Variants in TSPAN5 observed in about 807,000 individuals in gnomAD.
TSPAN5 encodes tetraspanin 5.
A neutral mutation model predicts 37.1 loss-of-function variants in TSPAN5; 10 were observed. The observed-to-expected ratio is 0.27, with a 90% CI of 0.17 to 0.46. The LOEUF (loss-of-function observed/expected upper bound fraction) is 0.46, where lower values mean the gene tolerates loss of function less well. Ranked by LOEUF, TSPAN5 falls within the 20% of genes least tolerant of loss-of-function variation. The pLI is 1.00. For missense variants in TSPAN5, 195 were observed against 326.6 expected, an observed-to-expected ratio of 0.60 and a Z score of 3.11; for synonymous variants, 110 against 118.9, an observed-to-expected ratio of 0.93 and a Z score of 0.48.
chr4:98,653,836 G>A (rs949927443), intron 1 of TSPAN5, among the ~76,000 whole-genome samples: 1 of 152,226 alleles, frequency 6.6e-6, no homozygotes, highest in Admixed American at 6.5e-5. Context: ...ATTTTTCAAA[G>A]ATGGCCACAA....
intron 2 of TSPAN5, among the ~76,000 whole-genome samples, chr4:98,505,322 G>A (rs1165138366): frequency 6.6e-6 from 1 of 152,156 alleles, no homozygotes; most frequent in East Asian, 1.9e-4. Flanking sequence ...ACTCTGCCCA[G>A]TCTGGCCTCT....
intron 1 of TSPAN5, among the ~76,000 whole-genome samples, chr4:98,604,624 T>G (rs1292309003): frequency 2.6e-5 from 4 of 152,256 alleles, no homozygotes; most frequent in African/African-American, 7.2e-5. Flanking sequence ...GTTTCCATTT[T>G]TAAGATGTAC....
intron 1 of TSPAN5, among the ~76,000 whole-genome samples, chr4:98,631,593 C>T (rs1231896704): frequency 1.3e-5 from 2 of 152,142 alleles, no homozygotes; most frequent in African/African-American, 2.4e-5. Context: ...ACTTCAAGGT[C>T]CCATCCAACT....
At chr4:98,490,459 C>T (rs79585509) in intron 2 of TSPAN5, among the ~76,000 whole-genome samples, 1,766 of 152,254 alleles carry the variant, frequency 0.012, 13 homozygotes, top group South Asian at 0.022. Flanking sequence ...TGAGAGCCTT[C>T]AACTGTTTCC....
intron 1 of TSPAN5, among the ~76,000 whole-genome samples, chr4:98,535,619 G>A (rs919828478): frequency 5.3e-5 from 8 of 152,118 alleles, no homozygotes; most frequent in African/African-American, 1.9e-4. Context: ...TAATATCCTG[G>A]AGAGTGTTTT....
At chr4:98,573,110 T>A (rs1755163461) in intron 1 of TSPAN5, among the ~76,000 whole-genome samples, 1 of 152,234 alleles carries the variant, frequency 6.6e-6, no homozygotes, top group Admixed American at 6.5e-5. Flanking sequence ...TATTAATGCT[T>A]GGCTTCTCAG....
At chr4:98,547,982 AGCCTGGGC>A (rs922986503) in intron 1 of TSPAN5, among the ~76,000 whole-genome samples, 1 of 145,496 alleles carries the variant, frequency 6.9e-6, no homozygotes, top group Non-Finnish European at 1.5e-5. Flanking sequence ...ACTACACTCC[AGCCTGGGC>A]GACAGAGCGA....
chr4:98,520,971 G>A (rs565795839), intron 1 of TSPAN5, among the ~76,000 whole-genome samples: 11 of 152,066 alleles, frequency 7.2e-5, no homozygotes, highest in South Asian at 2.1e-4. Flanking sequence ...TCGCTCTGTC[G>A]CCCAGGCTGG....
intron 4 of TSPAN5, among the ~76,000 whole-genome samples, chr4:98,479,173 C>CG (rs1420041242): frequency 2.0e-5 from 3 of 152,152 alleles, no homozygotes; most frequent in Non-Finnish European, 4.4e-5. Flanking sequence ...AAGACACTAA[C>CG]GACAGTGGTA....
chr4:98,555,971 G>A (rs971916189), intron 1 of TSPAN5, among the ~76,000 whole-genome samples: 9 of 122,050 alleles, frequency 7.4e-5, no homozygotes, highest in Admixed American at 3.8e-4. Context: ...CTCCACACAC[G>A]CGCGCGCACA....
chr4:98,652,592 A>G (rs1269527740), intron 1 of TSPAN5, among the ~76,000 whole-genome samples: 1 of 152,222 alleles, frequency 6.6e-6, no homozygotes, highest in Non-Finnish European at 1.5e-5. Context: ...TCATTACGGA[A>G]GAGACTTAAC....
At chr4:98,499,513 C>G (rs549601295) in intron 2 of TSPAN5, among the ~76,000 whole-genome samples, 1 of 152,216 alleles carries the variant, frequency 6.6e-6, no homozygotes, top group Non-Finnish European at 1.5e-5. Flanking sequence ...AGAAACCCCA[C>G]TGAATACAGT....
chr4:98,656,609 C>G (rs183951783), intron 1 of TSPAN5, among the ~76,000 whole-genome samples: 1 of 152,156 alleles, frequency 6.6e-6, no homozygotes, highest in East Asian at 1.9e-4. Flanking sequence ...AGGTGGGTGA[C>G]TGCTCCCGGG....
chr4:98,494,830 C>G (rs777835156), intron 2 of TSPAN5, among the ~76,000 whole-genome samples: 2 of 152,046 alleles, frequency 1.3e-5, no homozygotes, highest in African/African-American at 4.8e-5. Flanking sequence ...TCATGCCTAA[C>G]AGAGGTGACA....
At chr4:98,610,903 C>T (rs1756172800) in intron 1 of TSPAN5, among the ~76,000 whole-genome samples, 2 of 152,130 alleles carry the variant, frequency 1.3e-5, no homozygotes, top group Admixed American at 6.5e-5. Flanking sequence ...CCCCTGACCC[C>T]GCTCCCCAGG....
intron 1 of TSPAN5, 89 bp downstream of exon 1, chr4:98,658,057 C>A (rs1338821070): frequency 6.5e-6 from 8 of 1,222,988 alleles, no homozygotes; most frequent in African/African-American, 1.5e-5. Context: ...TGCGGGGCTG[C>A]GAAAAGTAAA....
At chr4:98,493,170 A>G (rs952332402) in intron 2 of TSPAN5, among the ~76,000 whole-genome samples, 1 of 152,222 alleles carries the variant, frequency 6.6e-6, no homozygotes, top group Non-Finnish European at 1.5e-5. Context: ...GAGTGAAATC[A>G]CATCTCAAAA....
At chr4:98,644,571 T>C (rs527759725) in intron 1 of TSPAN5, among the ~76,000 whole-genome samples, 5 of 152,322 alleles carry the variant, frequency 3.3e-5, no homozygotes, top group Admixed American at 3.3e-4. Flanking sequence ...GTTACATATG[T>C]ATACATGTGA....
At chr4:98,568,978 A>G (rs1015735859) in intron 1 of TSPAN5, among the ~76,000 whole-genome samples, 3 of 152,246 alleles carry the variant, frequency 2.0e-5, no homozygotes, top group Non-Finnish European at 4.4e-5. Context: ...GTCAGGACCC[A>G]CTGGCAAAGT....
Sources: gnomAD v4.1 joint callset for allele counts (sites outside exome capture counted in the v4.1 genomes callset) on GRCh38, gnomAD v4.1.1 for gene constraint, MANE v1.5 for transcripts, NCBI Gene and HGNC (gene_info 2026-07-23, HGNC 2026-07-21) for gene names.